GABPA: variants seen among roughly 807,000 people sequenced by gnomAD.
GABPA encodes the protein GA-binding protein alpha chain.
Under a neutral mutation model 59.4 loss-of-function variants are expected in GABPA, and 4 were observed. The ratio of observed to expected loss-of-function variants is 0.07; its 90% CI spans 0.03 to 0.15. The LOEUF (loss-of-function observed/expected upper bound fraction) is 0.15, where lower values mean the gene tolerates loss of function less well. Ranked by LOEUF, GABPA falls within the 10% of genes least tolerant of loss-of-function variation. The pLI, the probability that GABPA is intolerant of heterozygous loss-of-function variation, is 1.00. For synonymous variants in GABPA, 164 were observed against 183.1 expected (o/e 0.90, Z 0.84); for missense variants, 251 against 543.8 (o/e 0.46, Z 5.36).
At chr21:25,754,999 C>T (rs1306982282) in intron 5 of GABPA, among the ~76,000 whole-genome samples, 2 of 151,806 alleles carry the variant, frequency 1.3e-5, no homozygotes, top group Non-Finnish European at 1.5e-5. Flanking sequence ...TGCAGTGAGC[C>T]GAAATTGCAC....
chr21:25,767,218 A>G (rs1449720488), intron 9 of GABPA, among the ~76,000 whole-genome samples: 5 of 151,976 alleles, frequency 3.3e-5, no homozygotes, highest in Non-Finnish European at 1.5e-5. Context: ...AGGGGATTCT[A>G]GATGCTGGCA....
chr21:25,741,244 C>A (rs1463644003), intron 1 of GABPA, among the ~76,000 whole-genome samples: 3 of 152,110 alleles, frequency 2.0e-5, no homozygotes, highest in Non-Finnish European at 2.9e-5. Context: ...CCTCCCACCT[C>A]AGCCTCCGAA....
chr21:25,753,727 G>GC (rs1201202165), intron 5 of GABPA, among the ~76,000 whole-genome samples: 3 of 152,198 alleles, frequency 2.0e-5, no homozygotes, highest in African/African-American at 7.2e-5. Flanking sequence ...GAGGAAGAAT[G>GC]CTGGGGTAAC....
chr21:25,745,087 G>A, intron 2 of GABPA, 123 bp from the exon 3 acceptor site: 1 of 1,004,556 alleles, frequency 1.0e-6, no homozygotes. Flanking sequence ...CAGTATCTAT[G>A]TAGAAATGAC....
chr21:25,762,635 A>G (rs770048551), intron 7 of GABPA, among the ~76,000 whole-genome samples: 4 of 152,186 alleles, frequency 2.6e-5, no homozygotes, highest in Non-Finnish European at 4.4e-5. Context: ...ACTGTTAATT[A>G]CCAAGTTGTA....
intron 5 of GABPA, 92 bp downstream of exon 5, chr21:25,752,326 G>C: frequency 4.0e-6 from 5 of 1,263,684 alleles, no homozygotes; most frequent in Non-Finnish European, 5.5e-6. Context: ...TATTTTACAT[G>C]TAGAGTTATT....
At chr21:25,765,403 C>T (rs2035866782) in intron 9 of GABPA, among the ~76,000 whole-genome samples, 1 of 151,870 alleles carries the variant, frequency 6.6e-6, no homozygotes, top group African/African-American at 2.4e-5. Context: ...TTCTAAATAG[C>T]ATGCTTTTAC....
intron 2 of GABPA, among the ~76,000 whole-genome samples, chr21:25,743,762 G>T (rs1227703034): frequency 6.6e-6 from 1 of 151,906 alleles, no homozygotes; most frequent in Non-Finnish European, 1.5e-5. Flanking sequence ...TACAAAAAAA[G>T]AAAAAACTGG....
chr21:25,749,075 A>T lies in GABPA; in HGVS notation c.262A>T (p.Thr88Ser). The T allele has an allele frequency of 1.9e-6, 3 of 1,609,228 alleles. No individual in the cohort carries two copies. The highest frequency in any genetic ancestry group is 1.1e-5 in the South Asian group (1 of 90,970). The change falls in exon 4 of 10, where the codon ACA (threonine) becomes TCA (serine). Residue 88 changes from threonine (T) to serine (S), a missense_variant. Coordinates refer to ENST00000400075, the MANE Select transcript of GABPA (RefSeq NM_002040.4). Reference protein sequence around the residue: ...ERSLFDQGVKTDGTVQLSVQV... With the variant: ...ERSLFDQGVKSDGTVQLSVQV... ...AAGTTTATTTGACCAAGGAGTAAAA[A>T]CAGATGGAACTGTACAGCTTAGTGT...
Position 25,735,106 on chromosome 21 carries a change from C to T in GABPA, c.-499C>T, listed in dbSNP as rs1177071667. 2.6e-6 allele frequency: 2 copies of T among 775,000 alleles called. No homozygotes were observed. Among genetic ancestry groups the T allele is most frequent in the African/African-American group, 1.7e-5 (1 of 58,362 alleles). The allele number at this position is 775,000 out of a possible 1,614,324, so 48.0% of individuals were successfully genotyped here. A position where few individuals can be genotyped will look rare whatever the true frequency, so the allele number is the denominator to read the frequency against. On this transcript the variant is annotated 5_prime_UTR_variant, in exon 1 of 10. Coordinates refer to ENST00000400075, the MANE Select transcript of GABPA (RefSeq NM_002040.4). The stretch of plus-strand genomic sequence containing the variant: ...CCGGGTCCCCTGGCACAGCCTCCGC[C>T]ATCTTTTCTTCGCCTAATTTGACCC...
At chr21:25,742,088 C>T (rs1378782653) in intron 2 of GABPA, among the ~76,000 whole-genome samples, 1 of 152,190 alleles carries the variant, frequency 6.6e-6, no homozygotes, top group African/African-American at 2.4e-5. Context: ...CTTATAAAGG[C>T]CACGTTGTAT....
chr21:25,758,778 A>G (rs966821218), intron 6 of GABPA, among the ~76,000 whole-genome samples: 2 of 152,202 alleles, frequency 1.3e-5, no homozygotes, highest in Non-Finnish European at 2.9e-5. Context: ...TTTTCCACTT[A>G]TAACTTGTAA....
Position 25,736,930 on chromosome 21 carries a change from G to A in GABPA, c.-27+1352G>A, listed in dbSNP as rs554654888. Among the ~76,000 whole-genome samples, 3 of 152,284 alleles carry A rather than the reference G, an allele frequency of 2.0e-5. No individual in the cohort carries two copies. In the East Asian group the frequency reaches 5.8e-4, roughly 29 times the overall value. On this transcript the variant is annotated intron_variant, in intron 1 of 9. Coordinates refer to ENST00000400075, the MANE Select transcript of GABPA (RefSeq NM_002040.4). Reference sequence around the variant, plus strand: ...ATTTGATAACTTAGGAAAATGTGCAGTTAATCTCGCAGGTACCCCCACACT... The same window carrying A: ...ATTTGATAACTTAGGAAAATGTGCAATTAATCTCGCAGGTACCCCCACACT...
chr21:25,752,453 CT>C, intron 5 of GABPA: 1 of 530,342 alleles, frequency 1.9e-6, no homozygotes, highest in Non-Finnish European at 3.4e-6. Context: ...AAAATTTCTG[CT>C]CTTAGGGTGT....
At chr21:25,736,456 T>G (rs1317262613) in intron 1 of GABPA, among the ~76,000 whole-genome samples, 2 of 152,296 alleles carry the variant, frequency 1.3e-5, no homozygotes, top group East Asian at 1.9e-4. Flanking sequence ...CTTGAGGGAC[T>G]AGCCTGTCTC....
At chr21:25,764,103 G>A (rs2035831996) in intron 7 of GABPA, 107 bp from the exon 8 acceptor site, 1 of 886,540 alleles carries the variant, frequency 1.1e-6, no homozygotes, top group South Asian at 2.2e-5. Context: ...TACTTTCTTG[G>A]GGGTAATTCA....
chr21:25,758,598 A>G (rs186953230), intron 6 of GABPA, among the ~76,000 whole-genome samples: 47 of 152,352 alleles, frequency 3.1e-4, no homozygotes, highest in Middle Eastern at 6.8e-3. Flanking sequence ...TTTACTGCTC[A>G]TCTAGAAACG....
chr21:25,737,390 A>G (rs1349772772), intron 1 of GABPA, among the ~76,000 whole-genome samples: 1 of 152,254 alleles, frequency 6.6e-6, no homozygotes. Flanking sequence ...TCTCTGGACT[A>G]AGCATAGAGA....
chr21:25,749,156 A>G (rs2035443733), intron 4 of GABPA, 36 bp downstream of exon 4: 2 of 1,222,712 alleles, frequency 1.6e-6, no homozygotes, highest in East Asian at 4.7e-5. Context: ...TTAAAATTTT[A>G]GCTCATGTTT....
Sources: gnomAD v4.1 joint callset for allele counts (sites outside exome capture counted in the v4.1 genomes callset) on GRCh38, gnomAD v4.1.1 for gene constraint, MANE v1.5 for transcripts, NCBI Gene and HGNC (gene_info 2026-07-23, HGNC 2026-07-21) for gene names.